Variants in CSMD1 observed in about 807,000 individuals in gnomAD.
CSMD1 encodes CUB and Sushi multiple domains 1.
Under a neutral mutation model 417.5 loss-of-function variants are expected in CSMD1, and 213 were observed. The observed-to-expected ratio is 0.51, with a 90% confidence interval of 0.46 to 0.57. The LOEUF is 0.57. Ranked by LOEUF, CSMD1 falls within the 20% of genes least tolerant of loss-of-function variation. The pLI, the probability that CSMD1 is intolerant of heterozygous loss-of-function variation, is 0.00. For synonymous variants in CSMD1, 2,862 were observed against 1,736.8 expected (o/e 1.65, Z -16.11); for missense variants, 6,923 against 4,529.7 (o/e 1.53, Z -15.17).
rs1340577800 is a variant in CSMD1 at position 4,003,911 on chromosome 8, A to C, written c.611-5801T>G. Among the ~76,000 whole-genome samples, 2 of 150,290 alleles carry C rather than the reference A, an allele frequency of 1.3e-5. 1 individual carries two copies. Among genetic ancestry groups the C allele is most frequent in the Non-Finnish European group, 3.0e-5 (2 of 67,548 alleles). The stretch of plus-strand genomic sequence containing the variant: ...TTGTTCCTCTTTCACAGCTACCAAA[A>C]GAGAAATGTTTTTCATTTTTTTAGA... On this transcript the variant is annotated intron_variant, in intron 4 of 69. Coordinates refer to ENST00000635120, the MANE Select transcript of CSMD1 (RefSeq NM_033225.6).
intron 1 of CSMD1, among the ~76,000 whole-genome samples, chr8:4,745,861 T>C (rs1019243209): frequency 3.9e-5 from 6 of 152,168 alleles, no homozygotes; most frequent in Admixed American, 1.3e-4. Flanking sequence ...CTCTGCTGTA[T>C]AGAAGGGCTT....
chr8:4,564,470 G>C (rs929941743), intron 2 of CSMD1, among the ~76,000 whole-genome samples: 4 of 152,188 alleles, frequency 2.6e-5, no homozygotes, highest in Non-Finnish European at 5.9e-5. Flanking sequence ...GCCTGATCCT[G>C]GTTCAGGGAC....
At chr8:4,550,665 C>A (rs1797829006) in intron 2 of CSMD1, among the ~76,000 whole-genome samples, 1 of 152,116 alleles carries the variant, frequency 6.6e-6, no homozygotes, top group South Asian at 2.1e-4. Flanking sequence ...TTTACCTAGA[C>A]AAAGGTGACA....
At chr8:3,158,497 C>A (rs925792743) in intron 38 of CSMD1, among the ~76,000 whole-genome samples, 1 of 152,060 alleles carries the variant, frequency 6.6e-6, no homozygotes, top group South Asian at 2.1e-4. Flanking sequence ...ACTTCACATT[C>A]ATTTTCTCAC....
intron 1 of CSMD1, among the ~76,000 whole-genome samples, chr8:4,962,492 T>C (rs1056625614): frequency 6.6e-6 from 1 of 152,202 alleles, no homozygotes; most frequent in Non-Finnish European, 1.5e-5. Flanking sequence ...ATTCCAGGCA[T>C]GTCCCATCGT....
At chr8:3,354,935 A>ATATGTCTATCTATAGATC (rs1808677130) in intron 21 of CSMD1, among the ~76,000 whole-genome samples, 1 of 65,962 alleles carries the variant, frequency 1.5e-5, no homozygotes, top group Non-Finnish European at 3.0e-5. Context: ...ATAGATATAG[A>ATATGTCTATCTATAGATC]TATATATAGA....
intron 3 of CSMD1, among the ~76,000 whole-genome samples, chr8:4,035,167 G>A (rs2554565): frequency 1.3e-5 from 2 of 152,008 alleles, no homozygotes; most frequent in Admixed American, 6.6e-5. Flanking sequence ...AGATGATGGC[G>A]TACTGATGTT....
chr8:3,242,906 G>C (rs1585768662), intron 26 of CSMD1, among the ~76,000 whole-genome samples: 1 of 152,006 alleles, frequency 6.6e-6, no homozygotes, highest in East Asian at 1.9e-4. Context: ...AAATAAGGCA[G>C]GCGTCCCTGA....
At chr8:4,169,380 C>A (rs561229432) in intron 3 of CSMD1, among the ~76,000 whole-genome samples, 3 of 152,034 alleles carry the variant, frequency 2.0e-5, no homozygotes, top group Non-Finnish European at 2.9e-5. Context: ...CTTCCTCAGG[C>A]CAAAAAACAT....
intron 5 of CSMD1, among the ~76,000 whole-genome samples, chr8:3,872,970 C>T (rs1051792304): frequency 7.2e-5 from 11 of 152,020 alleles, no homozygotes; most frequent in African/African-American, 2.7e-4. Flanking sequence ...CATCACTGAT[C>T]ATTAGAGAAA....
chr8:4,312,584 T>A (rs1473277245), intron 3 of CSMD1, among the ~76,000 whole-genome samples: 1 of 151,388 alleles, frequency 6.6e-6, no homozygotes, highest in East Asian at 1.9e-4. Context: ...AACAGATGTA[T>A]TAAAGTTGTT....
chr8:3,511,822 CAATAA>C (rs1797085449), intron 10 of CSMD1, among the ~76,000 whole-genome samples: 2 of 137,274 alleles, frequency 1.5e-5, no homozygotes, highest in South Asian at 2.4e-4. Flanking sequence ...CATAACATAA[CAATAA>C]ATAAAATAAA....
At chr8:4,629,635 C>T (rs1045437180) in intron 2 of CSMD1, among the ~76,000 whole-genome samples, 1 of 151,738 alleles carries the variant, frequency 6.6e-6, no homozygotes, top group African/African-American at 2.4e-5. Flanking sequence ...TTCTAAATTA[C>T]GTGTCCTGCC....
chr8:3,586,752 A>G (rs1800619044), intron 8 of CSMD1, among the ~76,000 whole-genome samples: 1 of 152,170 alleles, frequency 6.6e-6, no homozygotes, highest in South Asian at 2.1e-4. Flanking sequence ...AGCTAGTGAT[A>G]TTTCAGAAAT....
At chr8:3,843,270 TTTCG>T (rs1803252437) in intron 5 of CSMD1, among the ~76,000 whole-genome samples, 1 of 152,216 alleles carries the variant, frequency 6.6e-6, no homozygotes, top group South Asian at 2.1e-4. Flanking sequence ...CTAAAAATAC[TTTCG>T]TTGTTTGTTA....
intron 3 of CSMD1, among the ~76,000 whole-genome samples, chr8:4,311,252 A>G (rs1192216368): frequency 6.6e-6 from 1 of 152,180 alleles, no homozygotes; most frequent in Non-Finnish European, 1.5e-5. Flanking sequence ...ATCAACCTAA[A>G]TGTCCATCAA....
At chr8:4,898,981 G>T (rs1363752382) in intron 1 of CSMD1, among the ~76,000 whole-genome samples, 1 of 151,970 alleles carries the variant, frequency 6.6e-6, no homozygotes, top group African/African-American at 2.4e-5. Context: ...TTACGGTAAT[G>T]ATATCTACTT....
chr8:3,297,726 T>C (rs35214978), intron 25 of CSMD1, among the ~76,000 whole-genome samples: 37,014 of 152,082 alleles, frequency 0.24, 5,925 homozygotes, highest in African/African-American at 0.45. Flanking sequence ...ATAATATTTG[T>C]ATAGCTTTGG....
At chr8:4,065,166 C>A in intron 3 of CSMD1, among the ~76,000 whole-genome samples, 1 of 152,140 alleles carries the variant, frequency 6.6e-6, no homozygotes, top group East Asian at 1.9e-4. Flanking sequence ...ACACTATTTA[C>A]ACAAAACACT....
Sources: gnomAD v4.1 joint callset for allele counts (sites outside exome capture counted in the v4.1 genomes callset) on GRCh38, gnomAD v4.1.1 for gene constraint, MANE v1.5 for transcripts, NCBI Gene and HGNC (gene_info 2026-07-23, HGNC 2026-07-21) for gene names.